Variants in GPC6 observed in about 807,000 individuals in gnomAD.
GPC6 encodes glypican 6.
A neutral mutation model predicts 55.2 loss-of-function variants in GPC6; 14 were observed. That is an observed-to-expected ratio of 0.25 (90% confidence interval 0.17 to 0.40). The LOEUF is 0.40. Among genes scored for constraint, GPC6 ranks in the 10% least tolerant of loss-of-function variants. GPC6 has a pLI of 1.00. For synonymous variants in GPC6, 278 were observed against 259.6 expected (o/e 1.07, Z -0.68); for missense variants, 641 against 708.5 (o/e 0.90, Z 1.08).
At chr13:93,389,341 CA>C (rs374435407) in intron 1 of GPC6, among the ~76,000 whole-genome samples, 5,530 of 147,012 alleles carry the variant, frequency 0.038, 334 homozygotes, top group African/African-American at 0.13. Context: ...ACTAAAAATA[CA>C]AAAAAAAAAT....
chr13:93,486,933 G>C lies in GPC6; in HGVS notation c.161-58330G>C, dbSNP rs187878700. Among the ~76,000 whole-genome samples the C allele has an allele frequency of 4.6e-3, 615 of 133,510 alleles. 2 individuals carry two copies. Among genetic ancestry groups the C allele is most frequent in the African/African-American group, 0.016 (569 of 35,150 alleles). The allele number at this position is 133,510 out of a possible 152,430, so 87.6% of individuals were successfully genotyped here. The stretch of plus-strand genomic sequence containing the variant: ...ATACTCCAGCCTGGCGACAGAGCGA[G>C]ACTCCATCTCAAAAAAAAAAAAAAC... On this transcript the variant is annotated intron_variant, in intron 1 of 8. Coordinates refer to ENST00000377047, the MANE Select transcript of GPC6 (RefSeq NM_005708.5).
intron 2 of GPC6, among the ~76,000 whole-genome samples, chr13:93,731,120 G>A (rs1041983862): frequency 1.3e-5 from 2 of 152,100 alleles, no homozygotes; most frequent in African/African-American, 2.4e-5. Context: ...AAAGGTTACC[G>A]AAGATTGTAG....
intron 1 of GPC6, among the ~76,000 whole-genome samples, chr13:93,346,253 T>C (rs565890144): frequency 6.6e-6 from 1 of 152,324 alleles, no homozygotes; most frequent in South Asian, 2.1e-4. Flanking sequence ...TGCACTTCTT[T>C]AAGCATCTAA....
rs999445987 is a variant in GPC6, at chr13:94,347,905, G to A, written c.1153-34509G>A. Among the ~76,000 whole-genome samples the A allele has an allele frequency of 2.6e-5, 4 of 152,224 alleles. No homozygotes were observed. The South Asian group carries it at 6.2e-4, about 24-fold the overall frequency. ...AAATGGTTCAGTTGTTCACCAAAGCGGGTGGGTACCCGATGTGCGAGAGGC... is the reference window on the plus strand; with the variant it reads ...AAATGGTTCAGTTGTTCACCAAAGCAGGTGGGTACCCGATGTGCGAGAGGC... On this transcript the variant is annotated intron_variant, in intron 6 of 8. Transcript: ENST00000377047.
intron 2 of GPC6, among the ~76,000 whole-genome samples, chr13:93,668,512 G>C (rs1201829342): frequency 6.6e-6 from 1 of 152,114 alleles, no homozygotes; most frequent in Non-Finnish European, 1.5e-5. Context: ...ATAAATTGAG[G>C]ATTTTTGAGA....
At chr13:93,363,422 A>G (rs1007044159) in intron 1 of GPC6, among the ~76,000 whole-genome samples, 1 of 152,128 alleles carries the variant, frequency 6.6e-6, no homozygotes, top group African/African-American at 2.4e-5. Flanking sequence ...ACTGAGAATG[A>G]TGATTTCCGA....
intron 1 of GPC6, chr13:93,395,844 G>A (rs1319286856): frequency 6.6e-6 from 1 of 152,278 alleles, no homozygotes; most frequent in African/African-American, 2.4e-5. Context: ...GATGGCAGGG[G>A]GAAGAGAGAC....
intron 6 of GPC6, among the ~76,000 whole-genome samples, chr13:94,336,560 C>T (rs573535773): frequency 5.8e-4 from 89 of 152,226 alleles, no homozygotes; most frequent in Non-Finnish European, 5.0e-4. Flanking sequence ...ACGTCGGTAG[C>T]GGTTTTTTAA....
chr13:93,589,013 A>T (rs1486164283), intron 2 of GPC6, among the ~76,000 whole-genome samples: 1 of 152,134 alleles, frequency 6.6e-6, no homozygotes, highest in Non-Finnish European at 1.5e-5. Flanking sequence ...AAGATACTAT[A>T]GCTCCCTTAT....
intron 4 of GPC6, among the ~76,000 whole-genome samples, chr13:94,042,053 C>T (rs992766097): frequency 6.6e-6 from 1 of 151,804 alleles, no homozygotes; most frequent in African/African-American, 2.4e-5. Flanking sequence ...GACAGTTTCT[C>T]ATGAATGGTT....
chr13:93,224,530 C>A (rs9561282), upstream of GPC6, among the ~76,000 whole-genome samples: 39 of 152,272 alleles, frequency 2.6e-4, no homozygotes, highest in East Asian at 4.3e-3. Context: ...TATCCATATT[C>A]TTTTTTCCTA....
At chr13:93,366,363 A>G (rs1023321550) in intron 1 of GPC6, among the ~76,000 whole-genome samples, 1 of 152,116 alleles carries the variant, frequency 6.6e-6, no homozygotes, top group African/African-American at 2.4e-5. Flanking sequence ...CATGTCATCA[A>G]CAATGACATT....
chr13:94,325,076 G>C (rs995916514), intron 6 of GPC6, among the ~76,000 whole-genome samples: 2 of 151,930 alleles, frequency 1.3e-5, no homozygotes, highest in African/African-American at 2.4e-5. Context: ...CTGCTATTTT[G>C]TCTCTTCTTT....
At chr13:94,166,248 T>C (rs1205463348) in intron 4 of GPC6, among the ~76,000 whole-genome samples, 2 of 152,220 alleles carry the variant, frequency 1.3e-5, no homozygotes, top group African/African-American at 4.8e-5. Context: ...CTTCTAAAGA[T>C]AGCAAATAGC....
intron 1 of GPC6, among the ~76,000 whole-genome samples, chr13:93,295,009 G>A (rs1214405748): frequency 2.7e-5 from 4 of 149,430 alleles, no homozygotes; most frequent in Non-Finnish European, 4.4e-5. Flanking sequence ...GGTGTCTTGT[G>A]CCTGTAATCC....
chr13:93,324,560 G>GTA (rs536142258), intron 1 of GPC6, among the ~76,000 whole-genome samples: 156 of 116,448 alleles, frequency 1.3e-3, no homozygotes, highest in Non-Finnish European at 2.0e-3. Context: ...ATATATATGT[G>GTA]TATATATATA....
chr13:93,545,591 T>A (rs557650332), intron 2 of GPC6, among the ~76,000 whole-genome samples, 170 bp downstream of exon 2: 7 of 152,306 alleles, frequency 4.6e-5, no homozygotes, highest in Non-Finnish European at 7.3e-5. Context: ...AGTAATTTTT[T>A]TTTTTTTAGT....
At position 93,791,112 on chromosome 13, in the gene GPC6, T is replaced by C. The variant is rs565818452; in HGVS notation, c.320-39042T>C. 1.6e-4 allele frequency among the ~76,000 whole-genome samples: 24 copies of C among 152,268 alleles called. 1 individual carries two copies. The South Asian group carries it at 4.8e-3, about 30-fold the overall frequency. On this transcript the variant is annotated intron_variant, in intron 2 of 8. Transcript: ENST00000377047. ...AAATGTAAAATGTTGGTTCTGTACA[T>C]AGTGATTCATTCATCGATGAATGTG...
chr13:93,325,294 T>G (rs1879614892), intron 1 of GPC6, among the ~76,000 whole-genome samples: 1 of 152,214 alleles, frequency 6.6e-6, no homozygotes, highest in Non-Finnish European at 1.5e-5. Context: ...TTGTGTATAT[T>G]TTTAATTTTC....
Sources: gnomAD v4.1 joint callset for allele counts (sites outside exome capture counted in the v4.1 genomes callset) on GRCh38, gnomAD v4.1.1 for gene constraint, MANE v1.5 for transcripts, NCBI Gene and HGNC (gene_info 2026-07-23, HGNC 2026-07-21) for gene names.